The following ZIC4 variants were observed in gnomAD, a reference collection of about 807,000 sequenced individuals.
ZIC4 encodes the protein zinc finger protein ZIC 4.
ZIC4 carries 15 observed loss-of-function variants against 28.8 expected under a neutral mutation model. The observed-to-expected ratio is 0.52, with a 90% CI of 0.35 to 0.80. The LOEUF (loss-of-function observed/expected upper bound fraction) is 0.80. Ranked by LOEUF, ZIC4 falls within the 30% of genes least tolerant of loss-of-function variation. ZIC4 has a pLI of 0.01. For synonymous variants in ZIC4, 220 were observed against 198.1 expected, an observed-to-expected ratio of 1.11 and a Z score of -0.93; for missense variants, 512 against 467.1, an observed-to-expected ratio of 1.10 and a Z score of -0.89.
At chr3:147,392,072 C>G in intron 3 of ZIC4, 1 of 985,570 alleles carries the variant, frequency 1.0e-6, no homozygotes, top group South Asian at 4.7e-5. Context: ...GCTGGCCCTC[C>G]CAGTCCGCAC....
At chr3:147,395,210 T>G (rs1287662728) in intron 3 of ZIC4, among the ~76,000 whole-genome samples, 2 of 152,232 alleles carry the variant, frequency 1.3e-5, no homozygotes, top group African/African-American at 2.4e-5. Flanking sequence ...CCTTTTTTTC[T>G]GTTAACTAGA....
At chr3:147,404,731 G>A (rs541827093) in intron 1 of ZIC4, among the ~76,000 whole-genome samples, 4 of 152,228 alleles carry the variant, frequency 2.6e-5, no homozygotes, top group Admixed American at 6.5e-5. Flanking sequence ...TGCCGGAGGA[G>A]AGCCAAGAAG....
chr3:147,390,574 C>A (rs1576454505), intron 4 of ZIC4, among the ~76,000 whole-genome samples: 1 of 152,114 alleles, frequency 6.6e-6, no homozygotes, highest in East Asian at 1.9e-4. Context: ...GCCCCTAACC[C>A]TGGTTTTATG....
At chr3:147,402,362 A>G (rs2087183453) in intron 2 of ZIC4, among the ~76,000 whole-genome samples, 1 of 152,176 alleles carries the variant, frequency 6.6e-6, no homozygotes, top group South Asian at 2.1e-4. Context: ...ACCTCATTCC[A>G]ATCAAATTGT....
At chr3:147,392,036 G>A in intron 3 of ZIC4, 5 of 985,510 alleles carry the variant, frequency 5.1e-6, no homozygotes, top group Non-Finnish European at 4.8e-6. Context: ...TGCTCCAGAG[G>A]CTTCCTGGAG....
chr3:147,391,975 C>A, intron 3 of ZIC4: 10 of 985,454 alleles, frequency 1.0e-5, no homozygotes, highest in Non-Finnish European at 1.2e-5. Context: ...CTTGCCTAAA[C>A]CTTCCGGGAT....
In ZIC4 at chr3:147,396,718, G is replaced by C. The variant is rs1323427175; in HGVS notation, c.71-249C>G. On this transcript the variant is annotated intron_variant, in intron 2 of 4. Transcript: ENST00000383075. This position sits in a 1 kb window ranked among gnomAD's most constrained non-coding sequence, Gnocchi z 4.2. ...CCATGAGCTAGAGAGGGATGGTAGC[G>C]GCAGAGTAGATGTAAGGGGTAATGG... 6.5e-6 allele frequency: 3 copies of C among 461,060 alleles called. No individual in the cohort carries two copies. Among genetic ancestry groups the C allele is most frequent in the Non-Finnish European group, 7.5e-6 (2 of 265,904 alleles). The allele number at this position is 461,060 out of a possible 1,614,324, so 28.6% of individuals were successfully genotyped here. A position where few individuals can be genotyped will look rare whatever the true frequency, so the allele number is the denominator to read the frequency against.
intron 3 of ZIC4, among the ~76,000 whole-genome samples, chr3:147,395,633 C>G (rs1426962932): frequency 6.6e-6 from 1 of 152,138 alleles, no homozygotes; most frequent in African/African-American, 2.4e-5. Context: ...CCTTGTCCCC[C>G]CCAGAACAGA....
At chr3:147,402,881 T>TG in intron 1 of ZIC4, 69 bp from the exon 2 acceptor site, 1 of 1,290,068 alleles carries the variant, frequency 7.8e-7, no homozygotes, top group Non-Finnish European at 1.1e-6. Flanking sequence ...CAACATCCTG[T>TG]GGTTTGAATG....
chr3:147,388,957 A>G (rs1228198097), intron 4 of ZIC4, 98 bp from the exon 5 acceptor site: 1 of 743,724 alleles, frequency 1.3e-6, no homozygotes, highest in Non-Finnish European at 2.5e-6. Flanking sequence ...CAAAATGGGG[A>G]GCTTAGAAAC....
Position 147,388,771 on chromosome 3 carries a change from G to T in ZIC4, c.*88C>A. 1.3e-6 allele frequency: 1 copy of T among 751,288 alleles called. No individual in the cohort carries two copies. The highest frequency in any genetic ancestry group is 2.5e-6 in the Non-Finnish European group (1 of 407,408). The allele number at this position is 751,288 out of a possible 1,614,324, so 46.5% of individuals were successfully genotyped here. On this transcript the variant is annotated 3_prime_UTR_variant, in exon 5 of 5. Transcript: ENST00000383075. Reference sequence around the variant, plus strand: ...CACCGTGGCGAAGAAACACTGCTTTGTGCGCGGGCCCTTTGATGTAGCAGG... The same window carrying T: ...CACCGTGGCGAAGAAACACTGCTTTTTGCGCGGGCCCTTTGATGTAGCAGG...
At chr3:147,397,946 C>A (rs985338765) in intron 2 of ZIC4, among the ~76,000 whole-genome samples, 5 of 152,266 alleles carry the variant, frequency 3.3e-5, no homozygotes, top group African/African-American at 1.2e-4. Flanking sequence ...GCCTTGCAGG[C>A]CCCTCCTCCC....
In ZIC4 at chr3:147,396,651, G is replaced by C. The variant is rs1277107988; in HGVS notation, c.71-182C>G. ...CAGAGCAAGGCCAAACACCTCCGCCGCCATTGGGCCGAATTGCTGTTGGGC... is the reference window on the plus strand; with the variant it reads ...CAGAGCAAGGCCAAACACCTCCGCCCCCATTGGGCCGAATTGCTGTTGGGC... On this transcript the variant is annotated intron_variant, in intron 2 of 4. Coordinates refer to ENST00000383075, the MANE Select transcript of ZIC4 (RefSeq NM_032153.6). This position sits in a 1 kb window ranked among gnomAD's most constrained non-coding sequence, Gnocchi z 4.2. 4.4e-6 allele frequency: 3 copies of C among 681,372 alleles called. No individual in the cohort carries two copies. Among genetic ancestry groups the C allele is most frequent in the Non-Finnish European group, 6.6e-6 (3 of 455,242 alleles). 42.2% of individuals were successfully genotyped at this position (681,372 alleles called of 1,614,324 possible).
chr3:147,396,608 A>C lies in ZIC4; in HGVS notation c.71-139T>G, dbSNP rs969641369. The C allele has an allele frequency of 1.7e-6, 2 of 1,151,800 alleles. No homozygotes were observed. The highest frequency in any genetic ancestry group is 5.5e-5 in the East Asian group (2 of 36,252). The allele number at this position is 1,151,800 out of a possible 1,614,324, so 71.3% of individuals were successfully genotyped here. A position where few individuals can be genotyped will look rare whatever the true frequency, so the allele number is the denominator to read the frequency against. On this transcript the variant is annotated intron_variant, in intron 2 of 4. Transcript: ENST00000383075. The surrounding 1 kb of genome is among the most constrained non-coding windows in gnomAD (Gnocchi z 4.2). ...GTGGAACTCAGAGCCAGACAGCGCC[A>C]GCAGTGAACCCGGTGGACAGAGCAA...
At chr3:147,405,550 C>A (rs773843159) in intron 1 of ZIC4, 25 of 1,426,648 alleles carry the variant, frequency 1.8e-5, no homozygotes, top group Non-Finnish European at 2.1e-5. Context: ...TCCTCATTGG[C>A]CCCTAATTTC....
chr3:147,402,667 AAAGAAG>A (rs769370243), intron 2 of ZIC4, 55 bp downstream of exon 2: 10 of 1,456,232 alleles, frequency 6.9e-6, no homozygotes, highest in Non-Finnish European at 9.3e-6. Flanking sequence ...TAAAAAAAAA[AAAGAAG>A]AAGAAGAAGA....
At chr3:147,405,745 G>A (rs2087264902) in intron 1 of ZIC4, 1 of 518,402 alleles carries the variant, frequency 1.9e-6, no homozygotes, top group South Asian at 2.1e-5. Context: ...GGTGAGGGAG[G>A]GCAAGGAGCC....
At chr3:147,390,839 C>T (rs999327511) in intron 4 of ZIC4, 92 bp downstream of exon 4, 8 of 1,427,634 alleles carry the variant, frequency 5.6e-6, no homozygotes, top group Admixed American at 2.5e-5. Context: ...ATACCGGAGG[C>T]GGCGGCGGCA....
chr3:147,394,063 C>T (rs71302462), intron 3 of ZIC4: 2 of 431,612 alleles, frequency 4.6e-6, no homozygotes, highest in South Asian at 1.7e-5. Context: ...CGAGAACTGT[C>T]TTCATGAATA....
Sources: gnomAD v4.1 joint callset for allele counts (sites outside exome capture counted in the v4.1 genomes callset) on GRCh38, gnomAD v4.1.1 for gene constraint, Gnocchi (gnomAD v3.1) non-coding constraint, MANE v1.5 for transcripts, NCBI Gene and HGNC (gene_info 2026-07-23, HGNC 2026-07-21) for gene names.